The following PAX5 variants were observed in gnomAD, a reference collection of about 807,000 sequenced individuals.
PAX5 encodes paired box protein Pax-5.
PAX5 carries 9 observed loss-of-function variants against 43.7 expected under a neutral mutation model. The ratio of observed to expected loss-of-function variants is 0.21; its 90% CI spans 0.12 to 0.36. The LOEUF (loss-of-function observed/expected upper bound fraction) is 0.36. Ranked by LOEUF, PAX5 falls within the 10% of genes least tolerant of loss-of-function variation. The pLI is 1.00. For missense variants in PAX5, 383 were observed against 532.7 expected (o/e 0.72, Z 2.77); for synonymous variants, 228 against 214.3 (o/e 1.06, Z -0.56).
chr9:36,944,772 C>T (rs754057775), intron 6 of PAX5, among the ~76,000 whole-genome samples: 3 of 152,236 alleles, frequency 2.0e-5, no homozygotes, highest in Non-Finnish European at 4.4e-5. Context: ...AAGGGGACCA[C>T]ACTGGTGGGG....
intron 8 of PAX5, among the ~76,000 whole-genome samples, chr9:36,850,601 G>A (rs552694537): frequency 1.3e-5 from 2 of 152,230 alleles, no homozygotes; most frequent in East Asian, 1.9e-4. Flanking sequence ...CACACTTTTG[G>A]CATCTCTCAA....
At chr9:36,877,476 G>A (rs533530456) in intron 8 of PAX5, among the ~76,000 whole-genome samples, 1 of 152,316 alleles carries the variant, frequency 6.6e-6, no homozygotes, top group African/African-American at 2.4e-5. Context: ...GAGGCCAGGA[G>A]GGAGTGAAAC....
intron 8 of PAX5, among the ~76,000 whole-genome samples, chr9:36,854,934 A>T (rs1823518672): frequency 6.6e-6 from 1 of 152,198 alleles, no homozygotes; most frequent in Non-Finnish European, 1.5e-5. Flanking sequence ...GGCCTGGGTG[A>T]GCCCCAGGGA....
intron 5 of PAX5, among the ~76,000 whole-genome samples, chr9:36,983,150 G>A (rs959608783): frequency 5.9e-5 from 9 of 152,198 alleles, no homozygotes; most frequent in Admixed American, 1.3e-4. Context: ...GACATACACA[G>A]AGATTTGGTG....
chr9:36,981,189 C>A (rs1304199384), intron 5 of PAX5, among the ~76,000 whole-genome samples: 4 of 145,780 alleles, frequency 2.7e-5, no homozygotes, highest in East Asian at 4.2e-4. Flanking sequence ...AGCAAAGCCC[C>A]CCCCCCCTCA....
At chr9:36,875,234 C>G (rs532511475) in intron 8 of PAX5, among the ~76,000 whole-genome samples, 1 of 152,240 alleles carries the variant, frequency 6.6e-6, no homozygotes, top group Non-Finnish European at 1.5e-5. Context: ...GCAAACCTAG[C>G]GAAGCTCTCC....
chr9:36,847,278 G>T (rs1040570104), intron 8 of PAX5, among the ~76,000 whole-genome samples: 5 of 152,114 alleles, frequency 3.3e-5, no homozygotes, highest in African/African-American at 1.2e-4. Flanking sequence ...CTCACAAAAT[G>T]GTCTTGATAC....
At chr9:36,966,375 C>T (rs1834436487) in intron 6 of PAX5, among the ~76,000 whole-genome samples, 174 bp downstream of exon 6, 2 of 152,230 alleles carry the variant, frequency 1.3e-5, no homozygotes, top group Admixed American at 6.5e-5. Flanking sequence ...CAAGCCCTCC[C>T]GACCTTATAG....
intron 1 of PAX5, among the ~76,000 whole-genome samples, chr9:37,025,798 G>A (rs757699853): frequency 6.6e-6 from 1 of 152,308 alleles, no homozygotes; most frequent in South Asian, 2.1e-4. Flanking sequence ...GGGTGCCTGC[G>A]TGGTAACTAA....
intron 3 of PAX5, among the ~76,000 whole-genome samples, chr9:37,011,541 C>T (rs1450610820): frequency 6.6e-6 from 1 of 152,180 alleles, no homozygotes; most frequent in Non-Finnish European, 1.5e-5. Context: ...GGGATGGCCA[C>T]CTCCAATGGA....
intron 8 of PAX5, among the ~76,000 whole-genome samples, chr9:36,872,223 G>A (rs1472304501): frequency 6.6e-6 from 1 of 152,186 alleles, no homozygotes; most frequent in Non-Finnish European, 1.5e-5. Context: ...CCAGCCCTTG[G>A]AAGTGATTAC....
In PAX5 at chr9:36,846,836, T is replaced by G. The variant is rs2131590892; in HGVS notation, c.1099+7A>C. The G allele has an allele frequency of 6.2e-7, 1 of 1,611,578 alleles. No individual in the cohort carries two copies. Among genetic ancestry groups the G allele is most frequent in the South Asian group, 1.1e-5 (1 of 91,036 alleles). ...AAGGGCCCCGCAGGGCCTCCGCCAG[T>G]ACTCACCAAGCAGCCCCGGGTTGGG... On this transcript the variant is annotated splice_region_variant and intron_variant, in intron 9 of 9. Transcript: ENST00000358127.
At chr9:36,978,708 G>A (rs548805009) in intron 5 of PAX5, among the ~76,000 whole-genome samples, 1 of 152,216 alleles carries the variant, frequency 6.6e-6, no homozygotes, top group African/African-American at 2.4e-5. Flanking sequence ...TCCAAGATGG[G>A]TATGGGTTTT....
intron 7 of PAX5, among the ~76,000 whole-genome samples, chr9:36,903,637 C>A (rs1332014745): frequency 6.6e-6 from 1 of 152,208 alleles, no homozygotes; most frequent in African/African-American, 2.4e-5. Context: ...AGCAATCATA[C>A]CTGCTGTGTC....
At chr9:36,922,477 G>A (rs148522964) in intron 7 of PAX5, among the ~76,000 whole-genome samples, 4 of 152,254 alleles carry the variant, frequency 2.6e-5, no homozygotes, top group East Asian at 3.9e-4. Flanking sequence ...ACATGGAGTC[G>A]GCTCCACGTT....
At chr9:37,018,114 G>A (rs955746118) in intron 2 of PAX5, among the ~76,000 whole-genome samples, 7 of 152,170 alleles carry the variant, frequency 4.6e-5, no homozygotes, top group African/African-American at 1.7e-4. Context: ...ACAATAGGGG[G>A]AGAATGTCTT....
chr9:36,882,115 C>T lies in PAX5; in HGVS notation c.911-10G>A. 6.4e-7 allele frequency: 1 copy of T among 1,573,516 alleles called. No individual in the cohort carries two copies. Among genetic ancestry groups the T allele is most frequent in the Non-Finnish European group, 8.7e-7 (1 of 1,154,922 alleles). On this transcript the variant is annotated splice_polypyrimidine_tract_variant and intron_variant, in intron 7 of 9. Coordinates refer to ENST00000358127, the MANE Select transcript of PAX5 (RefSeq NM_016734.3). This position sits in a 1 kb window ranked among gnomAD's most constrained non-coding sequence, Gnocchi z 4.4. The stretch of plus-strand genomic sequence containing the variant: ...CTCGCCAAGTCACGGCCTGAGGAAT[C>T]AAAGCAACAAATCACAGGGTGAGCA...
At chr9:36,915,766 T>C (rs2131929053) in intron 7 of PAX5, among the ~76,000 whole-genome samples, 1 of 152,258 alleles carries the variant, frequency 6.6e-6, no homozygotes, top group Admixed American at 6.5e-5. Context: ...CTTTTCCCAC[T>C]CTAAAATTAT....
At position 36,997,309 on chromosome 9, in the gene PAX5, A is replaced by C. The variant is rs113257963; in HGVS notation, c.604+5339T>G. Among the ~76,000 whole-genome samples, 339 of 152,302 alleles carry C rather than the reference A, an allele frequency of 2.2e-3. 2 individuals carry two copies. Among genetic ancestry groups the C allele is most frequent in the Middle Eastern group, 0.014 (4 of 294 alleles). Reference sequence around the variant, plus strand: ...AAGAAACCTCTGGCCCCCACAGTCCACACTGGCTGGACAGGTCAGCTTTCT... The same window carrying C: ...AAGAAACCTCTGGCCCCCACAGTCCCCACTGGCTGGACAGGTCAGCTTTCT... On this transcript the variant is annotated intron_variant, in intron 5 of 9. Transcript: ENST00000358127.
Sources: gnomAD v4.1 joint callset for allele counts (sites outside exome capture counted in the v4.1 genomes callset) on GRCh38, gnomAD v4.1.1 for gene constraint, Gnocchi (gnomAD v3.1) non-coding constraint, MANE v1.5 for transcripts, NCBI Gene and HGNC (gene_info 2026-07-23, HGNC 2026-07-21) for gene names.